QTMAN: variants seen among roughly 807,000 people sequenced by gnomAD.
QTMAN encodes the protein tRNA-queuosine alpha-mannosyltransferase.
At chr2:143,960,759 T>C in the QTMAN span, among the ~76,000 whole-genome samples, 2 of 151,944 alleles carry the variant, frequency 1.3e-5, no homozygotes, top group African/African-American at 2.4e-5. Flanking sequence ...GTTTTCAATA[T>C]ACCTTTTTAA....
chr2:144,083,154 C>T, the QTMAN span, among the ~76,000 whole-genome samples: 2 of 152,332 alleles, frequency 1.3e-5, no homozygotes, highest in Admixed American at 1.3e-4. Flanking sequence ...TCCCCACAGA[C>T]CCAACTAGGA....
At chr2:144,020,469 A>G in the QTMAN span, among the ~76,000 whole-genome samples, 3 of 152,254 alleles carry the variant, frequency 2.0e-5, no homozygotes, top group Non-Finnish European at 4.4e-5. Context: ...CCCAGGATAC[A>G]GAAAACCCTC....
chr2:144,068,389 T>C, the QTMAN span, among the ~76,000 whole-genome samples: 2 of 152,214 alleles, frequency 1.3e-5, no homozygotes, highest in Non-Finnish European at 2.9e-5. Context: ...TTAAAATTAC[T>C]ATCATAAAAA....
chr2:144,079,414 T>A, the QTMAN span, among the ~76,000 whole-genome samples: 1 of 152,170 alleles, frequency 6.6e-6, no homozygotes, highest in Non-Finnish European at 1.5e-5. Context: ...ATATGCATTT[T>A]ATTAAACTAT....
At chr2:144,246,732 T>C in the QTMAN span, among the ~76,000 whole-genome samples, 1 of 152,182 alleles carries the variant, frequency 6.6e-6, no homozygotes, top group Non-Finnish European at 1.5e-5. Flanking sequence ...CTTACCACAG[T>C]GGACAACCTG....
At chr2:144,031,536 A>G in the QTMAN span, among the ~76,000 whole-genome samples, 2 of 152,124 alleles carry the variant, frequency 1.3e-5, no homozygotes, top group Non-Finnish European at 2.9e-5. Flanking sequence ...GGAGAAAAAT[A>G]CTCAGATACA....
chr2:144,133,259 A>G, the QTMAN span, among the ~76,000 whole-genome samples: 1 of 68,226 alleles, frequency 1.5e-5, no homozygotes, highest in African/African-American at 7.1e-5. Flanking sequence ...ATATATAAAT[A>G]TATATAAATA....
At chr2:144,326,638 G>A in the QTMAN span, among the ~76,000 whole-genome samples, 1 of 149,898 alleles carries the variant, frequency 6.7e-6, no homozygotes, top group South Asian at 2.1e-4. Flanking sequence ...CGATGGCAAT[G>A]AAACGTCTAA....
chr2:144,204,086 G>A, the QTMAN span, among the ~76,000 whole-genome samples: 1 of 152,096 alleles, frequency 6.6e-6, no homozygotes, highest in Non-Finnish European at 1.5e-5. Flanking sequence ...ATAGGCATGG[G>A]CAAGGACTTC....
the QTMAN span, among the ~76,000 whole-genome samples, chr2:144,237,576 C>A: frequency 6.6e-6 from 1 of 152,166 alleles, no homozygotes; most frequent in Non-Finnish European, 1.5e-5. Flanking sequence ...CACGTTCTAT[C>A]CAAATTCTTG....
the QTMAN span, chr2:143,970,554 C>T: frequency 1.3e-6 from 1 of 754,324 alleles, no homozygotes; most frequent in South Asian, 1.5e-5. Flanking sequence ...CAGTGCTCAT[C>T]TTGATTATTC....
chr2:144,114,175 A>C, the QTMAN span, among the ~76,000 whole-genome samples: 1 of 152,334 alleles, frequency 6.6e-6, no homozygotes, highest in Admixed American at 6.5e-5. Flanking sequence ...TTAAATTACC[A>C]CTTGTCAATG....
chr2:144,040,784 C>T, the QTMAN span, among the ~76,000 whole-genome samples: 1 of 152,154 alleles, frequency 6.6e-6, no homozygotes, highest in Non-Finnish European at 1.5e-5. Context: ...GAGAAGAACT[C>T]AAACCCAAAT....
the QTMAN span, among the ~76,000 whole-genome samples, chr2:144,250,265 T>C: frequency 6.6e-6 from 1 of 151,920 alleles, no homozygotes; most frequent in Admixed American, 6.6e-5. Flanking sequence ...TGCCTCAGCC[T>C]CCCAAGTAGC....
chr2:144,136,394 GA>G, the QTMAN span, among the ~76,000 whole-genome samples: 1,447 of 40,472 alleles, frequency 0.036, 9 homozygotes, highest in Middle Eastern at 0.092. Flanking sequence ...AAAGGAAAAG[GA>G]AAAGGAAAGG....
chr2:144,209,935 C>T, the QTMAN span, among the ~76,000 whole-genome samples: 3 of 151,802 alleles, frequency 2.0e-5, no homozygotes, highest in Non-Finnish European at 4.4e-5. Context: ...AATAAAACTA[C>T]ACTTTGTTCA....
the QTMAN span, among the ~76,000 whole-genome samples, chr2:144,113,063 T>C: frequency 6.6e-6 from 1 of 152,092 alleles, no homozygotes; most frequent in East Asian, 1.9e-4. Context: ...CAGATTTCAA[T>C]AGACAATCAC....
At chr2:144,318,855 A>G in the QTMAN span, among the ~76,000 whole-genome samples, 1 of 152,124 alleles carries the variant, frequency 6.6e-6, no homozygotes, top group South Asian at 2.1e-4. Flanking sequence ...TCACTGAGGG[A>G]AAAAAATGGG....
At chr2:143,964,230 T>C in the QTMAN span, 1 of 152,126 alleles carries the variant, frequency 6.6e-6, no homozygotes, top group African/African-American at 2.4e-5. Context: ...GTATCCACAA[T>C]ACTTTACATG....
Sources: allele counts gnomAD v4.1 joint callset (sites outside exome capture counted in the v4.1 genomes callset), GRCh38; gene constraint gnomAD v4.1.1; transcripts MANE v1.5; gene names NCBI Gene and HGNC (gene_info 2026-07-23, HGNC 2026-07-21).